STK32B: variants seen among roughly 807,000 people sequenced by gnomAD.
STK32B encodes the protein serine/threonine-protein kinase 32B.
STK32B carries 43 observed loss-of-function variants against 52.6 expected under a neutral mutation model. The ratio of observed to expected loss-of-function variants is 0.82; its 90% confidence interval spans 0.64 to 1.05. The LOEUF (loss-of-function observed/expected upper bound fraction) is 1.05. Among genes scored for constraint, STK32B ranks in the 50% least tolerant of loss-of-function variants. The probability of loss-of-function intolerance (pLI) is 0.00; values close to 1 mark genes in which losing one functional copy is unlikely to be tolerated. For missense variants in STK32B, 621 were observed against 534.6 expected, an observed-to-expected ratio of 1.16 and a Z score of -1.59; for synonymous variants, 238 against 204.3, an observed-to-expected ratio of 1.17 and a Z score of -1.41.
At chr4:5,261,384 A>T (rs765083498) in intron 3 of STK32B, among the ~76,000 whole-genome samples, 1 of 152,204 alleles carries the variant, frequency 6.6e-6, no homozygotes. Context: ...TTAGGAAGCT[A>T]TTGTGTCAGT....
At chr4:5,035,274 T>G in the STK32B span, among the ~76,000 whole-genome samples, 1 of 152,256 alleles carries the variant, frequency 6.6e-6, no homozygotes, top group Admixed American at 6.5e-5. Flanking sequence ...AATCTGTGAA[T>G]CAACTTCTTA....
Position 5,410,993 on chromosome 4 carries a change from G to GT in STK32B, c.473-5849dup, listed in dbSNP as rs1711613545. Among the ~76,000 whole-genome samples the GT allele has an allele frequency of 6.6e-5, 10 of 151,098 alleles. 1 individual carries two copies. In the South Asian group the frequency reaches 2.1e-3, roughly 32 times the overall value. ...AAACGGTGAATGCAGTGTGAGGCCTGTTTCATGAGGTGAATAATCCAGTCA... is the reference window on the plus strand; with the variant it reads ...AAACGGTGAATGCAGTGTGAGGCCTGTTTTCATGAGGTGAATAATCCAGTCA... On this transcript the variant is annotated intron_variant, in intron 5 of 11. Coordinates refer to ENST00000282908, the MANE Select transcript of STK32B (RefSeq NM_018401.3).
chr4:5,169,772 A>G (rs1174073786), intron 3 of STK32B, among the ~76,000 whole-genome samples: 1 of 152,166 alleles, frequency 6.6e-6, no homozygotes, highest in African/African-American at 2.4e-5. Context: ...TTTAATCCGA[A>G]CAGCAATATG....
the STK32B span, among the ~76,000 whole-genome samples, chr4:5,025,114 G>A: frequency 2.0e-5 from 3 of 146,992 alleles, no homozygotes; most frequent in African/African-American, 7.9e-5. Context: ...TATGGGAGGG[G>A]GGAATCCTTG....
At chr4:5,206,566 G>A (rs1722589620) in intron 3 of STK32B, among the ~76,000 whole-genome samples, 1 of 152,160 alleles carries the variant, frequency 6.6e-6, no homozygotes, top group African/African-American at 2.4e-5. Context: ...GCGAGAGAGT[G>A]CCTGGCAGAT....
chr4:5,323,448 C>T (rs976876771), intron 3 of STK32B, among the ~76,000 whole-genome samples: 2 of 152,176 alleles, frequency 1.3e-5, no homozygotes, highest in African/African-American at 4.8e-5. Context: ...ATCACTTCTG[C>T]ACCCTGCAAG....
chr4:5,392,094 G>T (rs745897272), intron 4 of STK32B, among the ~76,000 whole-genome samples: 16 of 152,128 alleles, frequency 1.1e-4, no homozygotes, highest in Admixed American at 2.0e-4. Flanking sequence ...CATGTGGATG[G>T]TGTAATAAAT....
chr4:5,037,092 A>C, the STK32B span, among the ~76,000 whole-genome samples: 1 of 152,000 alleles, frequency 6.6e-6, no homozygotes, highest in South Asian at 2.1e-4. Context: ...ACACTTTGGG[A>C]GGGATATTTA....
In STK32B at chr4:5,051,745, C is replaced by T; in HGVS notation, c.-119C>T. Reference sequence around the variant, plus strand: ...CGGTGCTCGGCCCCCTCGGGCTCCGCGCGCGGCTACAACCCGGACTGGGCG... The same window carrying T: ...CGGTGCTCGGCCCCCTCGGGCTCCGTGCGCGGCTACAACCCGGACTGGGCG... On this transcript the variant is annotated 5_prime_UTR_variant, in exon 1 of 12. Coordinates refer to ENST00000282908, the MANE Select transcript of STK32B (RefSeq NM_018401.3). The T allele has an allele frequency of 7.1e-7, 1 of 1,407,378 alleles. No individual in the cohort carries two copies. The highest frequency in any genetic ancestry group is 2.6e-5 in the East Asian group (1 of 38,782). The allele number at this position is 1,407,378 out of a possible 1,614,324, so 87.2% of individuals were successfully genotyped here.
intron 1 of STK32B, among the ~76,000 whole-genome samples, chr4:5,123,222 C>T (rs1277362697): frequency 6.6e-6 from 1 of 152,170 alleles, no homozygotes; most frequent in East Asian, 1.9e-4. Context: ...CTGGCTGTGT[C>T]CCGTGGTCTT....
At chr4:5,393,783 A>G (rs1237140322) in intron 4 of STK32B, among the ~76,000 whole-genome samples, 1 of 152,120 alleles carries the variant, frequency 6.6e-6, no homozygotes, top group Non-Finnish European at 1.5e-5. Context: ...TTGGGCGGGA[A>G]CACAGATCCA....
chr4:5,193,264 C>T (rs895974559), intron 3 of STK32B, among the ~76,000 whole-genome samples: 5 of 152,166 alleles, frequency 3.3e-5, no homozygotes, highest in Non-Finnish European at 7.3e-5. Context: ...TGGGCCTCAT[C>T]TCCTCTCCCT....
intron 2 of STK32B, among the ~76,000 whole-genome samples, chr4:5,154,595 T>G (rs1717642208): frequency 6.6e-6 from 1 of 152,168 alleles, no homozygotes; most frequent in Non-Finnish European, 1.5e-5. Flanking sequence ...GGTATCCACA[T>G]GGAGGAACAT....
chr4:5,079,914 C>T (rs1342821380), intron 1 of STK32B, among the ~76,000 whole-genome samples: 1 of 151,990 alleles, frequency 6.6e-6, no homozygotes, highest in Non-Finnish European at 1.5e-5. Context: ...TAAAAAAAGC[C>T]AAACTCACAA....
chr4:5,039,741 A>G, the STK32B span, among the ~76,000 whole-genome samples: 1 of 152,204 alleles, frequency 6.6e-6, no homozygotes, highest in East Asian at 1.9e-4. Flanking sequence ...TACCACTGCA[A>G]ACACGTGAGG....
At chr4:5,374,979 T>C (rs1735492188) in intron 4 of STK32B, among the ~76,000 whole-genome samples, 1 of 152,146 alleles carries the variant, frequency 6.6e-6, no homozygotes, top group East Asian at 1.9e-4. Context: ...AGACTCCTCT[T>C]TGAGGTAATT....
At chr4:5,405,182 G>A (rs2109055313) in intron 5 of STK32B, among the ~76,000 whole-genome samples, 1 of 151,976 alleles carries the variant, frequency 6.6e-6, no homozygotes, top group East Asian at 1.9e-4. Context: ...GACCTAGTAA[G>A]GGCTTCCTAG....
At chr4:5,468,579 C>T (rs1717615302) in intron 11 of STK32B, among the ~76,000 whole-genome samples, 2 of 152,070 alleles carry the variant, frequency 1.3e-5, no homozygotes, top group African/African-American at 2.4e-5. Context: ...AAGGTAATGA[C>T]GATTGTTACT....
intron 4 of STK32B, among the ~76,000 whole-genome samples, chr4:5,365,418 G>C (rs193031676): frequency 9.9e-5 from 15 of 152,240 alleles, no homozygotes; most frequent in African/African-American, 3.6e-4. Flanking sequence ...GAGGAAGTGA[G>C]GGAATTGAGC....
Sources: gnomAD v4.1 joint callset for allele counts (sites outside exome capture counted in the v4.1 genomes callset) on GRCh38, gnomAD v4.1.1 for gene constraint, MANE v1.5 for transcripts, NCBI Gene and HGNC (gene_info 2026-07-23, HGNC 2026-07-21) for gene names.